The following TFB1M variants were observed in gnomAD, a reference collection of about 807,000 sequenced individuals.
TFB1M encodes dimethyladenosine transferase 1, mitochondrial.
A neutral mutation model predicts 31.1 loss-of-function variants in TFB1M; 27 were observed. That is an observed-to-expected ratio of 0.87 (90% CI 0.64 to 1.20). The LOEUF (loss-of-function observed/expected upper bound fraction) is 1.20, where lower values mean the gene tolerates loss of function less well. Among genes scored for constraint, TFB1M ranks in the 50% most tolerant of loss-of-function variants. TFB1M has a pLI of 0.00. For synonymous variants in TFB1M, 166 were observed against 151.8 expected (o/e 1.09, Z -0.69); for missense variants, 394 against 418.7 (o/e 0.94, Z 0.51).
At chr6:155,283,885 A>T (rs1033219642) in intron 5 of TFB1M, among the ~76,000 whole-genome samples, 5 of 152,194 alleles carry the variant, frequency 3.3e-5, no homozygotes, top group Non-Finnish European at 7.3e-5. Context: ...CACCTGTACT[A>T]GGAGAGAAAG....
chr6:155,311,061 G>A (rs1006332483), intron 2 of TFB1M, 127 bp downstream of exon 2: 6 of 1,001,990 alleles, frequency 6.0e-6, no homozygotes, highest in Middle Eastern at 5.4e-4. Flanking sequence ...CTCTGGAATG[G>A]GGCCTTGGGG....
rs113810705 is a variant in TFB1M at position 155,311,853 on chromosome 6, A to G, written c.134-514T>C. The stretch of plus-strand genomic sequence containing the variant: ...TGGTGGTCACTATGGCAATGGCAAT[A>G]AGTTCTTAGATCGTAAGATTTTCAG... On this transcript the variant is annotated intron_variant, in intron 1 of 6. Coordinates refer to ENST00000367166, the MANE Select transcript of TFB1M (RefSeq NM_016020.4). Among the ~76,000 whole-genome samples the G allele has an allele frequency of 1.6e-3, 239 of 152,336 alleles. 1 individual carries two copies. The highest frequency in any genetic ancestry group is 5.5e-3 in the African/African-American group (227 of 41,562).
At chr6:155,253,047 C>A, downstream of TFB1M, 1 of 1,613,624 alleles carries the variant, frequency 6.2e-7, no homozygotes, top group East Asian at 2.2e-5. Flanking sequence ...ACTGGGGAAT[C>A]CAGCAGGTAA....
At chr6:155,282,500 A>G (rs1776415265) in intron 5 of TFB1M, among the ~76,000 whole-genome samples, 1 of 152,198 alleles carries the variant, frequency 6.6e-6, no homozygotes, top group Non-Finnish European at 1.5e-5. Flanking sequence ...TTGATTGAGA[A>G]TAAGTAATGA....
intron 5 of TFB1M, among the ~76,000 whole-genome samples, chr6:155,266,918 A>G (rs961295620): frequency 2.0e-4 from 30 of 148,400 alleles, no homozygotes; most frequent in Non-Finnish European, 3.9e-4. Flanking sequence ...ATTAAAGCAT[A>G]GTCTGGGGTG....
At chr6:155,254,441 A>G (rs192204648), downstream of TFB1M, 7 of 1,612,978 alleles carry the variant, frequency 4.3e-6, no homozygotes, top group East Asian at 6.7e-5. Flanking sequence ...CAAAACCAAC[A>G]TTGTTAAGGT....
intron 4 of TFB1M, among the ~76,000 whole-genome samples, chr6:155,296,453 T>G (rs12216316): frequency 1.4e-4 from 15 of 106,834 alleles, no homozygotes; most frequent in Admixed American, 1.2e-3. Flanking sequence ...TTTTTTTTTG[T>G]ATTTTTAGTA....
the TFB1M span, chr6:155,240,455 T>C: frequency 4.0e-5 from 59 of 1,479,302 alleles, no homozygotes; most frequent in Non-Finnish European, 4.9e-5. Context: ...ACGGAGACAC[T>C]TGGTGCCCTT....
At chr6:155,292,631 C>T (rs1300645174) in intron 4 of TFB1M, among the ~76,000 whole-genome samples, 1 of 151,984 alleles carries the variant, frequency 6.6e-6, no homozygotes, top group Non-Finnish European at 1.5e-5. Flanking sequence ...AACACTCAAC[C>T]CAATACCACA....
the TFB1M span, chr6:155,244,035 T>C: frequency 2.5e-6 from 4 of 1,614,130 alleles, no homozygotes; most frequent in Non-Finnish European, 2.5e-6. Context: ...CTTTGAATTA[T>C]ACTTGGAGCC....
chr6:155,260,699 C>T (rs1470506682), intron 5 of TFB1M: 3 of 451,476 alleles, frequency 6.6e-6, no homozygotes, highest in African/African-American at 6.0e-5. Flanking sequence ...CAATCCAAAT[C>T]ATTAAAGTCA....
In TFB1M at chr6:155,314,462, C is replaced by CGA. The variant is rs754152205; in HGVS notation, c.-35_-34insTC. The CGA allele has an allele frequency of 3.1e-6, 5 of 1,613,492 alleles. No individual in the cohort carries two copies. The East Asian group carries it at 1.1e-4, about 36-fold the overall frequency. On this transcript the variant is annotated 5_prime_UTR_variant, in exon 1 of 7. Transcript: ENST00000367166. ...GCAAGCACCATCCAACCCTACCTCA[C>CGA]CCAGGACCTTCACCGCCGCTCCGAA...
intron 5 of TFB1M, among the ~76,000 whole-genome samples, chr6:155,281,164 G>T (rs1271243977): frequency 6.6e-6 from 1 of 152,128 alleles, no homozygotes; most frequent in Non-Finnish European, 1.5e-5. Context: ...AGCATTCACT[G>T]CCAGATACTC....
At chr6:155,246,228 G>T in the TFB1M span, among the ~76,000 whole-genome samples, 7,477 of 152,216 alleles carry the variant, frequency 0.049, 629 homozygotes, top group African/African-American at 0.17. Context: ...TTCTCTCTGC[G>T]TGGGCCTGGA....
chr6:155,262,711 A>C (rs1300806814), intron 5 of TFB1M, among the ~76,000 whole-genome samples: 3 of 151,960 alleles, frequency 2.0e-5, no homozygotes, highest in Admixed American at 1.3e-4. Flanking sequence ...ATACAGAGAT[A>C]GATGCACTCT....
Position 155,257,497 on chromosome 6 carries a change from G to C in TFB1M, c.*339C>G, listed in dbSNP as rs544359744. 24 of 337,244 alleles carry C rather than the reference G, an allele frequency of 7.1e-5. No homozygotes were observed. The East Asian group carries it at 1.6e-3, about 23-fold the overall frequency. 20.9% of individuals were successfully genotyped at this position (337,244 alleles called of 1,614,324 possible). On this transcript the variant is annotated 3_prime_UTR_variant, in exon 7 of 7. Transcript: ENST00000367166. ...TCTGGGCATTTTCTTTCAGCTGTTT[G>C]TTAGTTTTTGCTTTATTTAAAGCAT...
intron 5 of TFB1M, among the ~76,000 whole-genome samples, chr6:155,272,951 A>G (rs1687369678): frequency 6.6e-6 from 1 of 152,228 alleles, no homozygotes; most frequent in Non-Finnish European, 1.5e-5. Context: ...TAGATTGACA[A>G]CAAAGGTTAT....
downstream of TFB1M, chr6:155,254,380 T>C: frequency 6.2e-7 from 1 of 1,602,978 alleles, no homozygotes; most frequent in Non-Finnish European, 8.5e-7. Flanking sequence ...CGATGAACAC[T>C]GTGGACACTT....
intron 5 of TFB1M, among the ~76,000 whole-genome samples, chr6:155,283,139 A>G (rs1776460104): frequency 6.6e-6 from 1 of 152,224 alleles, no homozygotes; most frequent in African/African-American, 2.4e-5. Context: ...ACTTCAAAGC[A>G]GCAGAGAATT....
Sources: allele counts gnomAD v4.1 joint callset (sites outside exome capture counted in the v4.1 genomes callset), GRCh38; gene constraint gnomAD v4.1.1; transcripts MANE v1.5; gene names NCBI Gene and HGNC (gene_info 2026-07-23, HGNC 2026-07-21).